PPP3R1: variants seen among roughly 807,000 people sequenced by gnomAD.
PPP3R1 encodes calcineurin subunit B type 1.
Under a neutral mutation model 22.6 loss-of-function variants are expected in PPP3R1, and 5 were observed. The ratio of observed to expected loss-of-function variants is 0.22; its 90% CI spans 0.12 to 0.46. PPP3R1 has a LOEUF of 0.46. PPP3R1 is among the 20% of genes least tolerant of loss of function. The probability of loss-of-function intolerance (pLI) is 0.99; values close to 1 mark genes in which losing one functional copy is unlikely to be tolerated. For missense variants in PPP3R1, 61 were observed against 203.2 expected (o/e 0.30, Z 4.25); for synonymous variants, 56 against 65.2 (o/e 0.86, Z 0.68).
intron 1 of PPP3R1, among the ~76,000 whole-genome samples, chr2:68,232,107 AAATAT>A (rs1420884067): frequency 1.3e-5 from 1 of 75,556 alleles, no homozygotes; most frequent in African/African-American, 7.3e-5. Context: ...AAAAAAAAAA[AAATAT>A]ATATATATAT....
intron 2 of PPP3R1, among the ~76,000 whole-genome samples, chr2:68,204,332 C>CT (rs1188274528): frequency 8.5e-5 from 4 of 47,136 alleles, no homozygotes; most frequent in African/African-American, 6.0e-4. Flanking sequence ...TATACACACA[C>CT]ACACTATATA....
At chr2:68,202,213 G>A (rs559367765) in intron 2 of PPP3R1, among the ~76,000 whole-genome samples, 30 of 152,102 alleles carry the variant, frequency 2.0e-4, no homozygotes, top group Non-Finnish European at 3.4e-4. Context: ...TTGTTACGCA[G>A]ATAGCTAGAC....
intron 1 of PPP3R1, among the ~76,000 whole-genome samples, chr2:68,237,950 T>C (rs1418613338): frequency 6.6e-6 from 1 of 152,168 alleles, no homozygotes; most frequent in Non-Finnish European, 1.5e-5. Flanking sequence ...AAATGTTTAC[T>C]TATTGAAAGT....
intron 5 of PPP3R1, 101 bp downstream of exon 5, chr2:68,186,367 C>T (rs2103719007): frequency 8.5e-7 from 1 of 1,176,944 alleles, no homozygotes; most frequent in Non-Finnish European, 1.2e-6. Flanking sequence ...AAATCAAATA[C>T]TTAAGTTTTT....
intron 1 of PPP3R1, among the ~76,000 whole-genome samples, chr2:68,229,872 GTGTA>G (rs1303586809): frequency 5.9e-5 from 9 of 151,748 alleles, no homozygotes; most frequent in Non-Finnish European, 7.4e-5. Context: ...GTGTGTGTGT[GTGTA>G]TGTATGTGTG....
chr2:68,179,860 A>G lies in PPP3R1; in HGVS notation c.*1103T>C, dbSNP rs1299409859. On this transcript the variant is annotated 3_prime_UTR_variant, in exon 6 of 6. Transcript: ENST00000234310. ...GATTAGCAAGATTTCTCACACTTAA[A>G]CCACAAATATATGTGGGTGTTTAGA... The G allele has an allele frequency of 1.3e-5, 2 of 152,210 alleles. No homozygotes were observed. Among genetic ancestry groups the G allele is most frequent in the African/African-American group, 4.8e-5 (2 of 41,446 alleles). 9.4% of individuals were successfully genotyped at this position (152,210 alleles called of 1,614,324 possible).
chr2:68,212,769 T>C (rs1669512031), intron 2 of PPP3R1, among the ~76,000 whole-genome samples: 1 of 152,160 alleles, frequency 6.6e-6, no homozygotes, highest in Admixed American at 6.5e-5. Context: ...ATTCTTAAGG[T>C]CCTATGATTT....
chr2:68,229,805 A>C (rs1669850678), intron 1 of PPP3R1, among the ~76,000 whole-genome samples: 1 of 152,060 alleles, frequency 6.6e-6, no homozygotes, highest in South Asian at 2.1e-4. Context: ...TTTCTTACAG[A>C]AATCATATGA....
intron 2 of PPP3R1, among the ~76,000 whole-genome samples, chr2:68,210,603 T>C (rs1669459106): frequency 6.6e-6 from 1 of 152,252 alleles, no homozygotes; most frequent in South Asian, 2.1e-4. Flanking sequence ...CCTGGAATTA[T>C]ATTTTTCGAG....
intron 1 of PPP3R1, among the ~76,000 whole-genome samples, chr2:68,226,023 C>T (rs1023560111): frequency 6.6e-6 from 1 of 152,186 alleles, no homozygotes; most frequent in African/African-American, 2.4e-5. Flanking sequence ...ACTACTAATA[C>T]ACCCAATAAC....
chr2:68,209,677 G>A (rs1175491636), intron 2 of PPP3R1, among the ~76,000 whole-genome samples: 1 of 151,874 alleles, frequency 6.6e-6, no homozygotes, highest in Non-Finnish European at 1.5e-5. Flanking sequence ...AGAATCGCTT[G>A]AGCCCCAGTG....
chr2:68,179,006 A>AG lies in PPP3R1; in HGVS notation c.*1956_*1957insC, dbSNP rs1674346691. The stretch of plus-strand genomic sequence containing the variant: ...CCCCACACACAAACTAAAAAAAAAA[A>AG]AAAAAAAAAAGAAAAAGAAAAAACC... On this transcript the variant is annotated 3_prime_UTR_variant, in exon 6 of 6. Coordinates refer to ENST00000234310, the MANE Select transcript of PPP3R1 (RefSeq NM_000945.4). 2 of 135,546 alleles carry AG rather than the reference A, an allele frequency of 1.5e-5. No homozygotes were observed. Among genetic ancestry groups the AG allele is most frequent in the African/African-American group, 6.2e-5 (2 of 32,030 alleles). 8.4% of individuals were successfully genotyped at this position (135,546 alleles called of 1,614,324 possible).
In PPP3R1 at chr2:68,187,542, C is replaced by T. The variant is rs1297337203; in HGVS notation, c.221-228G>A. ...TCTAAGGTCAATCAATTTGAACAAA[C>T]ATTTGTTAAGTGCAAGATAAAAGAA... On this transcript the variant is annotated intron_variant, in intron 3 of 5. Transcript: ENST00000234310. Among the ~76,000 whole-genome samples the T allele has an allele frequency of 2.0e-5, 3 of 152,168 alleles. No individual in the cohort carries two copies. The South Asian group carries it at 6.2e-4, about 32-fold the overall frequency.
chr2:68,194,328 A>G (rs1423901042), intron 2 of PPP3R1, among the ~76,000 whole-genome samples: 1 of 152,128 alleles, frequency 6.6e-6, no homozygotes, highest in Non-Finnish European at 1.5e-5. Context: ...TAAATGTAAA[A>G]TTCAGATGGT....
At chr2:68,198,780 A>T (rs926969995) in intron 2 of PPP3R1, among the ~76,000 whole-genome samples, 15 of 152,208 alleles carry the variant, frequency 9.9e-5, no homozygotes, top group African/African-American at 3.4e-4. Context: ...TAGAACTGAC[A>T]TCTTTGTAAC....
chr2:68,232,149 A>ATATAATATGTATATACATATACG (rs1669921491), intron 1 of PPP3R1, among the ~76,000 whole-genome samples: 1 of 70,226 alleles, frequency 1.4e-5, no homozygotes, highest in Non-Finnish European at 3.3e-5. Flanking sequence ...ATATATATGT[A>ATATAATATGTATATACATATACG]TATATATATA....
intron 2 of PPP3R1, among the ~76,000 whole-genome samples, chr2:68,197,473 T>A (rs766105023): frequency 6.6e-6 from 1 of 152,192 alleles, no homozygotes; most frequent in African/African-American, 2.4e-5. Context: ...AATATTAATG[T>A]GTATTTCTGT....
intron 1 of PPP3R1, among the ~76,000 whole-genome samples, chr2:68,236,221 T>C (rs1341618301): frequency 6.6e-6 from 1 of 152,164 alleles, no homozygotes; most frequent in Non-Finnish European, 1.5e-5. Flanking sequence ...GTGGTTTTGG[T>C]ATCATATATA....
At chr2:68,222,393 A>T (rs1273103206) in intron 1 of PPP3R1, among the ~76,000 whole-genome samples, 5 of 152,214 alleles carry the variant, frequency 3.3e-5, no homozygotes, top group African/African-American at 1.2e-4. Context: ...ATATCCAGCT[A>T]AACATTATTT....
Sources: allele counts gnomAD v4.1 joint callset (sites outside exome capture counted in the v4.1 genomes callset), GRCh38; gene constraint gnomAD v4.1.1; transcripts MANE v1.5; gene names NCBI Gene and HGNC (gene_info 2026-07-23, HGNC 2026-07-21).